The following FSD1L variants were observed in gnomAD, a reference collection of about 807,000 sequenced individuals.
The protein encoded by FSD1L is FSD1-like protein.
FSD1L carries 45 observed loss-of-function variants against 71.6 expected under a neutral mutation model. The ratio of observed to expected loss-of-function variants is 0.63; its 90% CI spans 0.49 to 0.81. The LOEUF (loss-of-function observed/expected upper bound fraction) is 0.81. Ranked by LOEUF, FSD1L falls within the 30% of genes least tolerant of loss-of-function variation. The probability of loss-of-function intolerance (pLI) is 0.00; values close to 1 mark genes in which losing one functional copy is unlikely to be tolerated. For missense variants in FSD1L, 561 were observed against 618.1 expected (o/e 0.91, Z 0.98); for synonymous variants, 197 against 207.2 (o/e 0.95, Z 0.42).
At chr9:105,488,490 A>G (rs1832700223) in intron 7 of FSD1L, among the ~76,000 whole-genome samples, 2 of 152,200 alleles carry the variant, frequency 1.3e-5, no homozygotes, top group African/African-American at 2.4e-5. Context: ...AAACATCTGT[A>G]TGCACATTTT....
intron 7 of FSD1L, among the ~76,000 whole-genome samples, chr9:105,490,329 T>C (rs1238161174): frequency 6.6e-6 from 1 of 152,102 alleles, no homozygotes; most frequent in Non-Finnish European, 1.5e-5. Flanking sequence ...GTTCATGTCC[T>C]TCGCCCACTT....
chr9:105,508,600 T>C lies in FSD1L; in HGVS notation c.797-17T>C. The C allele has an allele frequency of 6.8e-7, 1 of 1,467,972 alleles. No individual in the cohort carries two copies. Among genetic ancestry groups the C allele is most frequent in the Non-Finnish European group, 9.3e-7 (1 of 1,071,214 alleles). The allele number at this position is 1,467,972 out of a possible 1,614,324, so 90.9% of individuals were successfully genotyped here. A position where few individuals can be genotyped will look rare whatever the true frequency, so the allele number is the denominator to read the frequency against. ...CTTTACTGTACATGTCTGAAAACCA[T>C]GTTTTCGTTTCTTCAGGCTTAAAAT... On this transcript the variant is annotated splice_polypyrimidine_tract_variant and intron_variant, in intron 8 of 13. Coordinates refer to ENST00000481272, the MANE Select transcript of FSD1L (RefSeq NM_001145313.3).
intron 1 of FSD1L, among the ~76,000 whole-genome samples, chr9:105,458,121 A>G (rs1465418769): frequency 1.3e-5 from 2 of 152,116 alleles, no homozygotes; most frequent in Non-Finnish European, 2.9e-5. Context: ...CGTGGCTCCC[A>G]GGCTGGCCCA....
chr9:105,443,690 G>A (rs529553110), upstream of FSD1L, among the ~76,000 whole-genome samples: 7 of 152,232 alleles, frequency 4.6e-5, no homozygotes, highest in South Asian at 6.2e-4. Flanking sequence ...CCAGCACTTT[G>A]GGAGGCCAAG....
chr9:105,453,586 A>G (rs1216820251), intron 1 of FSD1L, among the ~76,000 whole-genome samples: 2 of 152,144 alleles, frequency 1.3e-5, no homozygotes, highest in African/African-American at 2.4e-5. Context: ...TTAGCTTTCT[A>G]TAGTAGAACT....
intron 13 of FSD1L, among the ~76,000 whole-genome samples, chr9:105,541,169 G>A (rs964769968): frequency 1.3e-5 from 2 of 151,792 alleles, no homozygotes; most frequent in African/African-American, 2.4e-5. Flanking sequence ...AATCTCTTAA[G>A]TTTAAAACAA....
chr9:105,456,866 T>C (rs544049055), intron 1 of FSD1L, among the ~76,000 whole-genome samples: 6 of 150,700 alleles, frequency 4.0e-5, no homozygotes, highest in African/African-American at 7.5e-5. Flanking sequence ...ATGAATCTTA[T>C]AAAATATAAT....
chr9:105,536,104 A>G (rs1033241814), intron 12 of FSD1L, among the ~76,000 whole-genome samples: 5 of 152,252 alleles, frequency 3.3e-5, no homozygotes, highest in Admixed American at 6.5e-5. Context: ...TTAGTACACT[A>G]TCTCTGCAGG....
intron 7 of FSD1L, among the ~76,000 whole-genome samples, chr9:105,494,915 G>C (rs1314027338): frequency 6.6e-6 from 1 of 152,172 alleles, no homozygotes; most frequent in South Asian, 2.1e-4. Flanking sequence ...CCCCTATGGA[G>C]GGGGTGCCTC....
chr9:105,532,681 T>G (rs2131478168), intron 10 of FSD1L, among the ~76,000 whole-genome samples: 1 of 152,364 alleles, frequency 6.6e-6, no homozygotes, highest in African/African-American at 2.4e-5. Flanking sequence ...GCTTTGCTCA[T>G]GCTATCTGTT....
At chr9:105,493,025 G>A (rs1270456051) in intron 7 of FSD1L, among the ~76,000 whole-genome samples, 2 of 152,160 alleles carry the variant, frequency 1.3e-5, no homozygotes, top group Admixed American at 1.3e-4. Context: ...TCCACTTGGT[G>A]CAGAGCTGAG....
intron 10 of FSD1L, chr9:105,520,415 T>C (rs1235166028): frequency 9.1e-7 from 1 of 1,094,682 alleles, no homozygotes; most frequent in African/African-American, 1.5e-5. Context: ...TTTTTACATA[T>C]ATACTATGTG....
intron 12 of FSD1L, among the ~76,000 whole-genome samples, chr9:105,538,254 G>A (rs1012116501): frequency 6.6e-6 from 1 of 152,066 alleles, no homozygotes; most frequent in Admixed American, 6.6e-5. Context: ...CATATGTACC[G>A]TTATGCTGTT....
upstream of FSD1L, among the ~76,000 whole-genome samples, chr9:105,446,645 C>T (rs369806419): frequency 2.6e-5 from 4 of 151,994 alleles, no homozygotes; most frequent in South Asian, 6.2e-4. Context: ...GTTGGGATTA[C>T]AGGTGTGAGC....
intron 1 of FSD1L, among the ~76,000 whole-genome samples, chr9:105,448,581 G>A (rs1234419668): frequency 3.0e-4 from 46 of 151,924 alleles, no homozygotes; most frequent in Admixed American, 2.8e-3. Flanking sequence ...TGCTGGTGGG[G>A]GTGTATCCCT....
In FSD1L at chr9:105,497,198, G is replaced by A. The variant is rs115565351; in HGVS notation, c.587-9201G>A. Among the ~76,000 whole-genome samples the A allele has an allele frequency of 9.2e-3, 1,400 of 152,252 alleles. 22 individuals are homozygous for A. The highest frequency in any genetic ancestry group is 0.032 in the African/African-American group (1,340 of 41,536). On this transcript the variant is annotated intron_variant, in intron 7 of 13. Transcript: ENST00000481272. ...GATTTTTCAAATGTCGAACCAGCCT[G>A]CATACTTGGAATAAATACCAGTTGG... is the stretch of plus-strand genomic sequence containing the variant.
intron 7 of FSD1L, among the ~76,000 whole-genome samples, chr9:105,500,156 G>T (rs2131333531): frequency 6.6e-6 from 1 of 152,222 alleles, no homozygotes; most frequent in South Asian, 2.1e-4. Flanking sequence ...TTAATTATTG[G>T]TCTGATAATT....
chr9:105,469,451 T>C (rs1831295000), intron 4 of FSD1L, among the ~76,000 whole-genome samples: 2 of 151,976 alleles, frequency 1.3e-5, no homozygotes, highest in Admixed American at 1.3e-4. Flanking sequence ...TTTTTTTTGA[T>C]AGTGGCCATC....
rs1460425242 is a variant in FSD1L, at chr9:105,534,583, C to T, written c.1116C>T (p.Tyr372=). The T allele has an allele frequency of 1.3e-6, 2 of 1,531,530 alleles. No individual in the cohort carries two copies. The highest frequency in any genetic ancestry group is 2.4e-5 in the South Asian group (2 of 83,562). 94.9% of individuals were successfully genotyped at this position (1,531,530 alleles called of 1,614,324 possible). A position where few individuals can be genotyped will look rare whatever the true frequency, so the allele number is the denominator to read the frequency against. The change falls in exon 11 of 14, where the codon TAC becomes TAT. Residue 372 remains tyrosine (Y), a synonymous_variant. Transcript: ENST00000481272. The part of the protein sequence containing the change: ...GSRDRFTGES[Y]TVLGDTAIES... ...GAGATCGTTTTACTGGAGAATCATA[C>T]ACAGTGCTGGGTAGGACAAAACATA...
Sources: gnomAD v4.1 joint callset for allele counts (sites outside exome capture counted in the v4.1 genomes callset) on GRCh38, gnomAD v4.1.1 for gene constraint, MANE v1.5 for transcripts, NCBI Gene and HGNC (gene_info 2026-07-23, HGNC 2026-07-21) for gene names.